Variants in ZNF644 observed in about 807,000 individuals in gnomAD.
ZNF644 encodes the protein zinc finger motif enhancer binding protein 2.
ZNF644 carries 20 observed loss-of-function variants against 108.0 expected under a neutral mutation model. That is an observed-to-expected ratio of 0.19 (90% CI 0.13 to 0.27). ZNF644 has a LOEUF of 0.27. ZNF644 is among the 10% of genes least tolerant of loss of function. The pLI is 1.00. For missense variants in ZNF644, 1,338 were observed against 1,548.9 expected, an observed-to-expected ratio of 0.86 and a Z score of 2.29; for synonymous variants, 542 against 539.1, an observed-to-expected ratio of 1.01 and a Z score of -0.08.
chr1:90,942,318 G>A (rs966642902), intron 2 of ZNF644, among the ~76,000 whole-genome samples: 2 of 152,062 alleles, frequency 1.3e-5, no homozygotes, highest in African/African-American at 2.4e-5. Flanking sequence ...ATTTTTAAAG[G>A]AAACAGTATT....
chr1:90,950,349 GA>G (rs1401839750), intron 2 of ZNF644, among the ~76,000 whole-genome samples: 2 of 145,060 alleles, frequency 1.4e-5, no homozygotes, highest in African/African-American at 2.5e-5. Context: ...GAAAAGAAAA[GA>G]AAAGAAATAG....
rs1648712335 is a variant in ZNF644 at position 90,915,891 on chromosome 1, T to C, written c.*907A>G. 6.6e-6 allele frequency: 1 copy of C among 152,606 alleles called. No homozygotes were observed. Among genetic ancestry groups the C allele is most frequent in the Non-Finnish European group, 1.5e-5 (1 of 68,002 alleles). The allele number at this position is 152,606 out of a possible 1,614,324, so 9.5% of individuals were successfully genotyped here. On this transcript the variant is annotated 3_prime_UTR_variant, in exon 6 of 6. Coordinates refer to ENST00000337393, the MANE Select transcript of ZNF644 (RefSeq NM_201269.3). ...GTGAGCATTGTTTATTAATTACATT[T>C]CTACAATGTTAAATAAAGTAAGAGG...
At chr1:91,010,940 AAAC>A (rs1402329888) in intron 1 of ZNF644, among the ~76,000 whole-genome samples, 16 of 152,214 alleles carry the variant, frequency 1.1e-4, no homozygotes, top group Non-Finnish European at 2.4e-4. Flanking sequence ...ATTTTTGTCA[AAAC>A]AACATGTAAA....
chr1:90,993,782 A>G (rs1227151683), intron 1 of ZNF644, among the ~76,000 whole-genome samples: 1 of 152,160 alleles, frequency 6.6e-6, no homozygotes. Flanking sequence ...ATTCAATTAT[A>G]ATTTTTTTGT....
rs1196718863 is a variant in ZNF644, at chr1:90,932,522, C to G, written c.3688+4963G>C. Among the ~76,000 whole-genome samples, 2 of 151,956 alleles carry G rather than the reference C, an allele frequency of 1.3e-5. 1 individual carries two copies. The highest frequency in any genetic ancestry group is 3.9e-4 in the East Asian group (2 of 5,184). The stretch of plus-strand genomic sequence containing the variant: ...ATCATGTGTTCTTGAAAAATGATGC[C>G]TGTTACTCATATGAATTAATGAATC... On this transcript the variant is annotated intron_variant, in intron 4 of 5. Coordinates refer to ENST00000337393, the MANE Select transcript of ZNF644 (RefSeq NM_201269.3).
chr1:90,957,065 T>C (rs1316026071), intron 2 of ZNF644, among the ~76,000 whole-genome samples: 1 of 151,744 alleles, frequency 6.6e-6, no homozygotes, highest in East Asian at 1.9e-4. Context: ...AACAGAAAAA[T>C]TCCTAGAAAC....
intron 4 of ZNF644, among the ~76,000 whole-genome samples, chr1:90,929,585 A>G (rs1433732713): frequency 6.6e-6 from 1 of 152,250 alleles, no homozygotes; most frequent in African/African-American, 2.4e-5. Flanking sequence ...CTACAGTGAC[A>G]CTCATGAATG....
chr1:91,017,773 C>A (rs772575489), intron 1 of ZNF644, among the ~76,000 whole-genome samples: 1 of 152,064 alleles, frequency 6.6e-6, no homozygotes, highest in Non-Finnish European at 1.5e-5. Context: ...ACCAGCCTGG[C>A]CAACATGATG....
intron 2 of ZNF644, among the ~76,000 whole-genome samples, chr1:90,967,288 A>C (rs1557609221): frequency 6.6e-6 from 1 of 152,176 alleles, no homozygotes. Context: ...CTTAACTCAT[A>C]ATCTCATCAG....
At chr1:90,937,410 C>A (rs1370447719) in intron 4 of ZNF644, 75 bp downstream of exon 4, 1 of 1,593,650 alleles carries the variant, frequency 6.3e-7, no homozygotes, top group Non-Finnish European at 8.6e-7. Context: ...GTATTTTCCA[C>A]ATAGATTCCA....
intron 2 of ZNF644, among the ~76,000 whole-genome samples, chr1:90,968,437 G>A (rs1655146638): frequency 6.6e-6 from 1 of 152,082 alleles, no homozygotes; most frequent in Non-Finnish European, 1.5e-5. Flanking sequence ...TTTTGGGGGG[G>A]GAGCCTCTCA....
chr1:90,959,243 A>G (rs1456492276), intron 2 of ZNF644, among the ~76,000 whole-genome samples: 1 of 152,186 alleles, frequency 6.6e-6, no homozygotes, highest in East Asian at 1.9e-4. Context: ...TAATAAACAA[A>G]CGAAAAAACC....
At chr1:90,944,208 A>G (rs756560962) in intron 2 of ZNF644, among the ~76,000 whole-genome samples, 1 of 152,174 alleles carries the variant, frequency 6.6e-6, no homozygotes, top group African/African-American at 2.4e-5. Context: ...ATTTAAAGCA[A>G]CTTCATTGGT....
chr1:90,922,614 G>A (rs1649584609), intron 4 of ZNF644, among the ~76,000 whole-genome samples: 1 of 152,068 alleles, frequency 6.6e-6, no homozygotes, highest in Non-Finnish European at 1.5e-5. Flanking sequence ...TTTAACTTCA[G>A]GGGTACACGT....
intron 2 of ZNF644, among the ~76,000 whole-genome samples, chr1:90,950,302 GAGGGGACAAA>G (rs1652975188): frequency 5.7e-5 from 2 of 35,176 alleles, no homozygotes; most frequent in African/African-American, 2.4e-4. Context: ...AAGGGGAGGG[GAGGGGACAAA>G]AGAAAAGAAA....
chr1:90,950,343 A>AGAAAAGAAAAGAAAC lies in ZNF644; in HGVS notation c.45-9035_45-9034insGTTTCTTTTCTTTTC, dbSNP rs2101040318. ...AGAAAACAAAAGAAAAGAAAAGAAA[A>AGAAAAGAAAAGAAAC]GAAAAGAAAAGAAATAGTGCTAATA... On this transcript the variant is annotated intron_variant, in intron 2 of 5. Transcript: ENST00000337393. 2.0e-5 allele frequency among the ~76,000 whole-genome samples: 3 copies of AGAAAAGAAAAGAAAC among 147,150 alleles called. No homozygotes were observed. In the East Asian group the frequency reaches 6.1e-4, roughly 30 times the overall value.
intron 2 of ZNF644, among the ~76,000 whole-genome samples, chr1:90,954,838 A>G (rs1168001002): frequency 2.0e-5 from 3 of 152,224 alleles, no homozygotes; most frequent in African/African-American, 7.2e-5. Flanking sequence ...ACTCATATTA[A>G]TGTTGATATT....
At chr1:90,958,536 AAAG>A (rs1208769076) in intron 2 of ZNF644, among the ~76,000 whole-genome samples, 3 of 152,170 alleles carry the variant, frequency 2.0e-5, no homozygotes, top group Non-Finnish European at 1.5e-5. Flanking sequence ...CGAGAAAGAA[AAAG>A]AAGGAGTACT....
intron 1 of ZNF644, among the ~76,000 whole-genome samples, chr1:90,986,793 C>A (rs1175052750): frequency 2.0e-5 from 3 of 151,902 alleles, no homozygotes; most frequent in East Asian, 1.9e-4. Context: ...CAAAACAAAT[C>A]TGAATAAATT....
Sources: allele counts gnomAD v4.1 joint callset (sites outside exome capture counted in the v4.1 genomes callset), GRCh38; gene constraint gnomAD v4.1.1; transcripts MANE v1.5; gene names NCBI Gene and HGNC (gene_info 2026-07-23, HGNC 2026-07-21).